The following DIAPH3 variants were observed in gnomAD, a reference collection of about 807,000 sequenced individuals.
The protein encoded by DIAPH3 is diaphanous related formin 3.
Under a neutral mutation model 144.3 loss-of-function variants are expected in DIAPH3, and 117 were observed. The ratio of observed to expected loss-of-function variants is 0.81; its 90% CI spans 0.70 to 0.95. The LOEUF (loss-of-function observed/expected upper bound fraction) is 0.95, where lower values mean the gene tolerates loss of function less well. Ranked by LOEUF, DIAPH3 falls within the 40% of genes least tolerant of loss-of-function variation. The pLI is 0.00. For missense variants in DIAPH3, 1,421 were observed against 1,412.7 expected, an observed-to-expected ratio of 1.01 and a Z score of -0.09; for synonymous variants, 519 against 488.9, an observed-to-expected ratio of 1.06 and a Z score of -0.81.
chr13:59,980,896 C>G (rs1189507038), intron 13 of DIAPH3, 37 bp from the exon 14 acceptor site: 1 of 1,539,814 alleles, frequency 6.5e-7, no homozygotes, highest in East Asian at 2.3e-5. Flanking sequence ...TAATGTGAAA[C>G]TTCTTAAACT....
rs1368037949 is a variant in DIAPH3 at position 59,861,459 on chromosome 13, AG to A, written c.2684del (p.Pro895LeufsTer4). ...FLVEICEEKY[P>X]DILNFVDDLE... ...AATCATCCACAAAATTCAGTATATC[AG>A]GGTACTTCTCTTCACATATTTCTAC... On this transcript the variant is annotated frameshift_variant, in exon 22 of 28. Transcript: ENST00000400324. LOFTEE classifies it high-confidence loss of function. 6.2e-7 allele frequency: 1 copy of A among 1,613,802 alleles called. No individual in the cohort carries two copies. The highest frequency in any genetic ancestry group is 1.1e-5 in the South Asian group (1 of 91,076).
chr13:59,971,201 C>T (rs749632078), intron 15 of DIAPH3, 41 bp from the exon 16 acceptor site: 18 of 1,522,276 alleles, frequency 1.2e-5, no homozygotes, highest in Non-Finnish European at 1.5e-5. Flanking sequence ...AAGAACATAT[C>T]TACAAAACAT....
At chr13:59,880,626 A>G (rs995845004) in intron 20 of DIAPH3, among the ~76,000 whole-genome samples, 2 of 152,088 alleles carry the variant, frequency 1.3e-5, no homozygotes, top group South Asian at 4.1e-4. Context: ...TAAGACTCCA[A>G]TATATTATAG....
intron 2 of DIAPH3, among the ~76,000 whole-genome samples, chr13:60,120,248 T>A (rs1594719835): frequency 6.6e-6 from 1 of 152,320 alleles, no homozygotes. Context: ...ACTAGTGACA[T>A]CACTGGTTTT....
intron 1 of DIAPH3, among the ~76,000 whole-genome samples, chr13:60,148,191 G>C (rs1192739862): frequency 2.0e-5 from 3 of 152,196 alleles, no homozygotes; most frequent in African/African-American, 7.2e-5. Flanking sequence ...AATTCGAGTT[G>C]AGATACAGTG....
chr13:60,051,700 C>T (rs1422658365), intron 4 of DIAPH3, among the ~76,000 whole-genome samples: 1 of 152,052 alleles, frequency 6.6e-6, no homozygotes, highest in Non-Finnish European at 1.5e-5. Flanking sequence ...TGACCTTATA[C>T]AGCTGCAAGG....
intron 27 of DIAPH3, among the ~76,000 whole-genome samples, chr13:59,702,239 C>T (rs781713842): frequency 5.5e-4 from 84 of 152,230 alleles, no homozygotes; most frequent in Non-Finnish European, 1.2e-3. Context: ...TGAAGAAATG[C>T]CCTAGCTTTC....
intron 22 of DIAPH3, among the ~76,000 whole-genome samples, chr13:59,847,964 T>G (rs570467991): frequency 6.6e-6 from 1 of 152,220 alleles, no homozygotes; most frequent in Non-Finnish European, 1.5e-5. Context: ...GACTTGCCCC[T>G]ACATCGCAGT....
chr13:59,755,068 T>C (rs1360543462), intron 27 of DIAPH3, among the ~76,000 whole-genome samples: 6 of 152,230 alleles, frequency 3.9e-5, no homozygotes, highest in Non-Finnish European at 7.4e-5. Context: ...TTAGTTTTTC[T>C]GTTTAAATGC....
intron 27 of DIAPH3, among the ~76,000 whole-genome samples, chr13:59,706,530 C>T (rs902955198): frequency 2.6e-5 from 4 of 152,068 alleles, no homozygotes; most frequent in South Asian, 2.1e-4. Context: ...GCTGGCTGCT[C>T]GTAAAGGTGA....
chr13:59,911,358 A>T (rs560364674), intron 20 of DIAPH3, among the ~76,000 whole-genome samples: 6 of 152,212 alleles, frequency 3.9e-5, no homozygotes, highest in Non-Finnish European at 8.8e-5. Context: ...GATGAATTCA[A>T]GTAAGTGATC....
At chr13:60,150,603 C>T (rs919854641) in intron 1 of DIAPH3, among the ~76,000 whole-genome samples, 11 of 152,156 alleles carry the variant, frequency 7.2e-5, no homozygotes, top group Admixed American at 5.2e-4. Context: ...ATGAGCTGAA[C>T]AAATGCGGTT....
chr13:59,902,312 A>T (rs2140182995), intron 20 of DIAPH3, among the ~76,000 whole-genome samples: 1 of 152,036 alleles, frequency 6.6e-6, no homozygotes, highest in East Asian at 1.9e-4. Context: ...TGGCTGTTTA[A>T]AAGTGTGTTG....
At chr13:59,685,894 C>T (rs1285261664) in intron 27 of DIAPH3, among the ~76,000 whole-genome samples, 1 of 152,050 alleles carries the variant, frequency 6.6e-6, no homozygotes, top group Non-Finnish European at 1.5e-5. Flanking sequence ...AGGACTGCTA[C>T]AATTATTTTG....
chr13:60,058,051 T>A lies in DIAPH3; in HGVS notation c.496-15231A>T, dbSNP rs1026676056. ...AAAACAAAAAATAAATGGAACCTAA[T>A]TAAACTTAAAAGCTTCTGCATAACA... On this transcript the variant is annotated intron_variant, in intron 4 of 27. Coordinates refer to ENST00000400324, the MANE Select transcript of DIAPH3 (RefSeq NM_001042517.2). Among the ~76,000 whole-genome samples the A allele has an allele frequency of 3.3e-5, 5 of 151,762 alleles. No individual in the cohort carries two copies. In the Admixed American group the frequency reaches 3.3e-4, roughly 10 times the overall value.
intron 17 of DIAPH3, among the ~76,000 whole-genome samples, chr13:59,950,639 CAAGAAATG>C (rs2049046533): frequency 6.6e-6 from 1 of 152,084 alleles, no homozygotes; most frequent in Admixed American, 6.6e-5. Context: ...ACACATAAGC[CAAGAAATG>C]AAGTATATGA....
intron 20 of DIAPH3, among the ~76,000 whole-genome samples, chr13:59,888,938 T>A (rs1439115404): frequency 6.6e-6 from 1 of 152,068 alleles, no homozygotes; most frequent in Non-Finnish European, 1.5e-5. Flanking sequence ...ACTTCTGCTG[T>A]CTATTACTTC....
At chr13:60,099,271 C>A (rs1316662915) in intron 3 of DIAPH3, among the ~76,000 whole-genome samples, 1 of 152,202 alleles carries the variant, frequency 6.6e-6, no homozygotes, top group Non-Finnish European at 1.5e-5. Flanking sequence ...TGTCACAGCT[C>A]AGCCTAGCCT....
At chr13:59,905,333 A>C (rs2046669573) in intron 20 of DIAPH3, among the ~76,000 whole-genome samples, 1 of 117,648 alleles carries the variant, frequency 8.5e-6, no homozygotes. Context: ...ACAGAGCGAG[A>C]CTCTGTCTCA....
Sources: allele counts gnomAD v4.1 joint callset (sites outside exome capture counted in the v4.1 genomes callset), GRCh38; gene constraint gnomAD v4.1.1; transcripts MANE v1.5; gene names NCBI Gene and HGNC (gene_info 2026-07-23, HGNC 2026-07-21).